WIPF2: variants seen among roughly 807,000 people sequenced by gnomAD.
The protein encoded by WIPF2 is WAS/WASL interacting protein family member 2.
WIPF2 carries 23 observed loss-of-function variants against 38.8 expected under a neutral mutation model. The observed-to-expected ratio is 0.59, with a 90% CI of 0.43 to 0.84. The LOEUF is 0.84. Ranked by LOEUF, WIPF2 falls within the 40% of genes least tolerant of loss-of-function variation. WIPF2 has a pLI of 0.00. For missense variants in WIPF2, 574 were observed against 580.5 expected (o/e 0.99, Z 0.11); for synonymous variants, 210 against 223.2 (o/e 0.94, Z 0.53).
At chr17:40,258,477 A>G (rs1021795269) in intron 2 of WIPF2, among the ~76,000 whole-genome samples, 17 of 152,262 alleles carry the variant, frequency 1.1e-4, no homozygotes, top group Admixed American at 6.5e-4. Flanking sequence ...CTGTAATCCC[A>G]GCTACTCGAG....
At chr17:40,229,420 C>T (rs897690133) in intron 1 of WIPF2, among the ~76,000 whole-genome samples, 1 of 148,098 alleles carries the variant, frequency 6.8e-6, no homozygotes, top group Non-Finnish European at 1.5e-5. Flanking sequence ...GACATTTATT[C>T]ATTTATTTAT....
At chr17:40,233,960 G>A (rs1371252351) in intron 1 of WIPF2, among the ~76,000 whole-genome samples, 1 of 152,172 alleles carries the variant, frequency 6.6e-6, no homozygotes, top group Non-Finnish European at 1.5e-5. Context: ...CTACTCGGGA[G>A]GATGAGGCAG....
At chr17:40,232,221 G>A (rs567322922) in intron 1 of WIPF2, among the ~76,000 whole-genome samples, 1 of 111,540 alleles carries the variant, frequency 9.0e-6, no homozygotes, top group Non-Finnish European at 1.8e-5. Flanking sequence ...ACAGGGTCTC[G>A]CTCTGTTGCC....
chr17:40,230,250 G>T (rs2030683324), intron 1 of WIPF2, among the ~76,000 whole-genome samples: 1 of 152,092 alleles, frequency 6.6e-6, no homozygotes, highest in African/African-American at 2.4e-5. Flanking sequence ...GAGGGAGGAG[G>T]ATCACTTGAG....
chr17:40,224,522 G>A (rs769470078), intron 1 of WIPF2, among the ~76,000 whole-genome samples: 14 of 148,848 alleles, frequency 9.4e-5, no homozygotes, highest in Non-Finnish European at 1.9e-4. Flanking sequence ...CTGAAATTAC[G>A]GGCGTGAGCC....
intron 1 of WIPF2, among the ~76,000 whole-genome samples, chr17:40,255,979 A>G (rs1329127005): frequency 6.6e-6 from 1 of 151,870 alleles, no homozygotes; most frequent in Non-Finnish European, 1.5e-5. Flanking sequence ...TTGTAGTCCC[A>G]GCTACTTGAG....
In WIPF2 at chr17:40,264,824, G is replaced by C; in HGVS notation, c.648G>C (p.Arg216Ser). ...CCTTGCCACCGACGCCTGGACAAAG[G>C]CTTCACCCTGGTCGAGAGGGACCTC... ...EKPLPPTPGQRLHPGREGPPA... is the reference protein window; with the variant it reads ...EKPLPPTPGQSLHPGREGPPA... Residue 216 changes from arginine (R) to serine (S), a missense_variant, in exon 5 of 8, where the codon AGG becomes AGC. Transcript: ENST00000323571. 2.5e-6 allele frequency: 4 copies of C among 1,613,842 alleles called. No homozygotes were observed. The highest frequency in any genetic ancestry group is 3.4e-6 in the Non-Finnish European group (4 of 1,179,966).
chr17:40,245,269 G>A (rs1001738918), intron 1 of WIPF2, among the ~76,000 whole-genome samples: 1 of 151,964 alleles, frequency 6.6e-6, no homozygotes, highest in African/African-American at 2.4e-5. Context: ...CTCCAAGACA[G>A]TAGACGCTTG....
chr17:40,243,605 C>T (rs1397471918), intron 1 of WIPF2, among the ~76,000 whole-genome samples: 1 of 151,908 alleles, frequency 6.6e-6, no homozygotes, highest in Admixed American at 6.6e-5. Context: ...CCTCTGCCTA[C>T]CGGGTTCAAG....
intron 1 of WIPF2, among the ~76,000 whole-genome samples, chr17:40,231,266 T>C (rs16965687): frequency 0.12 from 17,978 of 152,088 alleles, 1,173 homozygotes; most frequent in East Asian, 0.3. Flanking sequence ...TGGGACTTAA[T>C]ATATTATCTT....
chr17:40,246,351 G>T (rs1344042340), intron 1 of WIPF2, among the ~76,000 whole-genome samples: 1 of 150,468 alleles, frequency 6.6e-6, no homozygotes. Context: ...CTCCCAAAGT[G>T]CTGGGATTAC....
chr17:40,277,739 T>TTTTTTTTTTTTTTTTTTTTTTTTTC (rs1214706671), intron 7 of WIPF2, among the ~76,000 whole-genome samples: 1 of 147,338 alleles, frequency 6.8e-6, no homozygotes, highest in African/African-American at 2.6e-5. Context: ...TTTTTTTTTT[T>TTTTTTTTTTTTTTTTTTTTTTTTTC]TTTGAGATAG....
At chr17:40,246,762 A>G (rs2031380478) in intron 1 of WIPF2, among the ~76,000 whole-genome samples, 1 of 152,058 alleles carries the variant, frequency 6.6e-6, no homozygotes, top group Admixed American at 6.6e-5. Flanking sequence ...CAGCTACGGT[A>G]TGCTGTAGAA....
chr17:40,234,836 G>C (rs891178784), intron 1 of WIPF2, among the ~76,000 whole-genome samples: 2 of 152,100 alleles, frequency 1.3e-5, no homozygotes, highest in Non-Finnish European at 2.9e-5. Flanking sequence ...TCTGCCATCT[G>C]TCCGAGGCCA....
At chr17:40,247,162 A>G (rs577082432) in intron 1 of WIPF2, among the ~76,000 whole-genome samples, 1 of 150,714 alleles carries the variant, frequency 6.6e-6, no homozygotes, top group African/African-American at 2.4e-5. Flanking sequence ...TAAAATGGAC[A>G]TAGGTGTATG....
chr17:40,277,978 G>A (rs1443936186), intron 7 of WIPF2, among the ~76,000 whole-genome samples: 3 of 151,960 alleles, frequency 2.0e-5, no homozygotes, highest in Admixed American at 2.0e-4. Context: ...CGCCCGCCTC[G>A]GCCTCCCAAA....
chr17:40,248,129 GT>G (rs1275712060), intron 1 of WIPF2, among the ~76,000 whole-genome samples: 19 of 79,288 alleles, frequency 2.4e-4, no homozygotes, highest in African/African-American at 3.3e-4. Flanking sequence ...TGATACATCA[GT>G]TTTTTTTTTT....
At chr17:40,252,482 G>T (rs1161354941) in intron 1 of WIPF2, among the ~76,000 whole-genome samples, 1 of 152,020 alleles carries the variant, frequency 6.6e-6, no homozygotes, top group Non-Finnish European at 1.5e-5. Context: ...TGGCTAACTT[G>T]GTGAAACCCC....
chr17:40,252,502 A>G (rs1232783044), intron 1 of WIPF2, among the ~76,000 whole-genome samples: 3 of 152,038 alleles, frequency 2.0e-5, no homozygotes, highest in Non-Finnish European at 4.4e-5. Context: ...CGTCTCTACT[A>G]AAAATACAGA....
Sources: gnomAD v4.1 joint callset for allele counts (sites outside exome capture counted in the v4.1 genomes callset) on GRCh38, gnomAD v4.1.1 for gene constraint, MANE v1.5 for transcripts, NCBI Gene and HGNC (gene_info 2026-07-23, HGNC 2026-07-21) for gene names.